The following RAD18 variants were observed in gnomAD, a reference collection of about 807,000 sequenced individuals.
RAD18 encodes the protein RAD18 E3 ubiquitin protein ligase, also known as E3 ubiquitin-protein ligase RAD18.
In RAD18, 47 loss-of-function variants were observed where a neutral mutation model predicts 60.4. The observed-to-expected ratio is 0.78, with a 90% CI of 0.62 to 0.99. RAD18 has a LOEUF of 0.99. RAD18 is among the 50% of genes least tolerant of loss of function. The pLI is 0.00. For missense variants in RAD18, 640 were observed against 593.3 expected, an observed-to-expected ratio of 1.08 and a Z score of -0.82; for synonymous variants, 225 against 195.5, an observed-to-expected ratio of 1.15 and a Z score of -1.26.
intron 11 of RAD18, among the ~76,000 whole-genome samples, chr3:8,895,526 CCTTA>C (rs1256798207): frequency 6.6e-6 from 1 of 152,170 alleles, no homozygotes; most frequent in African/African-American, 2.4e-5. Flanking sequence ...TATTTGTCTT[CCTTA>C]CTGTCTACAC....
At chr3:8,919,613 T>A (rs542472190) in intron 7 of RAD18, among the ~76,000 whole-genome samples, 2 of 152,382 alleles carry the variant, frequency 1.3e-5, no homozygotes, top group South Asian at 4.1e-4. Flanking sequence ...CGTGTGCGTA[T>A]GTATATATAT....
intron 1 of RAD18, 143 bp downstream of exon 1, chr3:8,963,192 A>T: frequency 1.2e-6 from 1 of 858,340 alleles, no homozygotes; most frequent in Non-Finnish European, 1.7e-6. Flanking sequence ...GCGGTCGGCT[A>T]GTGGCAGGGC....
Position 8,881,388 on chromosome 3 carries a change from A to G in RAD18, c.1457T>C (p.Ile486Thr), listed in dbSNP as rs2125043774. The change falls in exon 13 of 13, where the codon ATT (isoleucine) becomes ACT (threonine). Residue 486 changes from isoleucine to threonine, a missense_variant. Coordinates refer to ENST00000264926, the MANE Select transcript of RAD18 (RefSeq NM_020165.4). ...CCTATTACGCTTGTTTCTTGGTTCA[A>G]TCTCAGCACTTTCAGCGGCTCTTGT... Reference protein sequence around the residue: ...RRTRAAESAEIEPRNKRNRN With the variant: ...RRTRAAESAETEPRNKRNRN 1 of 1,612,018 alleles carries G rather than the reference A, an allele frequency of 6.2e-7. No individual in the cohort carries two copies. The highest frequency in any genetic ancestry group is 8.5e-7 in the Non-Finnish European group (1 of 1,178,086).
intron 1 of RAD18, 103 bp downstream of exon 1, chr3:8,963,232 C>A: frequency 7.7e-7 from 1 of 1,305,592 alleles, no homozygotes; most frequent in Non-Finnish European, 1.0e-6. Flanking sequence ...CAGTGCGACG[C>A]TCGCGCCTCA....
chr3:8,898,408 GTGTGTA>G (rs756021977), intron 11 of RAD18, among the ~76,000 whole-genome samples: 2 of 108,614 alleles, frequency 1.8e-5, no homozygotes, highest in Non-Finnish European at 4.4e-5. Context: ...GTGTGTGTGT[GTGTGTA>G]AAATAAACCC....
At chr3:8,928,757 T>C (rs558671) in intron 7 of RAD18, among the ~76,000 whole-genome samples, 105,127 of 152,072 alleles carry the variant, frequency 0.69, 36,883 homozygotes, top group Middle Eastern at 0.77. Context: ...TACTATCAAG[T>C]AAATTTACAT....
intron 7 of RAD18, 25 bp downstream of exon 7, chr3:8,935,846 A>T (rs1027859067): frequency 2.0e-6 from 3 of 1,510,922 alleles, no homozygotes; most frequent in Non-Finnish European, 2.7e-6. Flanking sequence ...GAAAGTAAGC[A>T]TAACTCACTG....
chr3:8,928,054 A>AC (rs1470357902), intron 7 of RAD18, among the ~76,000 whole-genome samples: 3 of 151,256 alleles, frequency 2.0e-5, no homozygotes, highest in African/African-American at 7.3e-5. Flanking sequence ...AAACTTAAAA[A>AC]AAAAAAAAAA....
At chr3:8,942,010 G>A (rs1940756036) in intron 4 of RAD18, among the ~76,000 whole-genome samples, 1 of 152,140 alleles carries the variant, frequency 6.6e-6, no homozygotes, top group Admixed American at 6.5e-5. Context: ...AAAACAAAAT[G>A]AAAGGAAATC....
chr3:8,950,619 A>G (rs1940912067), intron 2 of RAD18, among the ~76,000 whole-genome samples: 1 of 152,250 alleles, frequency 6.6e-6, no homozygotes, highest in East Asian at 1.9e-4. Context: ...TACCCAGGAC[A>G]TCATTTCCAG....
chr3:8,920,796 G>C (rs1940304956), intron 7 of RAD18, among the ~76,000 whole-genome samples: 1 of 152,134 alleles, frequency 6.6e-6, no homozygotes, highest in Non-Finnish European at 1.5e-5. Flanking sequence ...GACAAAGAAA[G>C]GCTGAGGAAT....
At chr3:8,933,113 T>TAAAA (rs1940588310) in intron 7 of RAD18, among the ~76,000 whole-genome samples, 1 of 150,084 alleles carries the variant, frequency 6.7e-6, no homozygotes, top group African/African-American at 2.5e-5. Flanking sequence ...AATAAATAAA[T>TAAAA]AAAATAAAAT....
chr3:8,945,321 T>C (rs1003905305), intron 4 of RAD18, among the ~76,000 whole-genome samples: 1 of 152,216 alleles, frequency 6.6e-6, no homozygotes, highest in African/African-American at 2.4e-5. Context: ...TCATAGAATG[T>C]TCCAACATGC....
At chr3:8,931,584 A>C (rs1433186278) in intron 7 of RAD18, 1 of 152,276 alleles carries the variant, frequency 6.6e-6, no homozygotes, top group East Asian at 1.9e-4. Context: ...TTCTACACTC[A>C]GTGTTCAGAA....
intron 9 of RAD18, among the ~76,000 whole-genome samples, chr3:8,907,901 A>T (rs1940040733): frequency 6.6e-6 from 1 of 152,186 alleles, no homozygotes; most frequent in South Asian, 2.1e-4. Context: ...CCCACCAGAG[A>T]GGAGCATCTG....
In RAD18 at chr3:8,941,637, G is replaced by A; in HGVS notation, c.434C>T (p.Thr145Ile). ...NFLIREMSGS[T>I]SELLIKENKS... ...ATTTTCTTTTATCAACAACTCTGAT[G>A]TAGAACCACTCATTTCTCTGATCAA... is the stretch of plus-strand genomic sequence containing the variant. The change falls in exon 5 of 13, where the codon ACA (threonine) becomes ATA (isoleucine). Residue 145 changes from threonine to isoleucine, a missense_variant. Transcript: ENST00000264926. The A allele has an allele frequency of 8.7e-6, 14 of 1,614,122 alleles. No individual in the cohort carries two copies. The highest frequency in any genetic ancestry group is 1.2e-5 in the Non-Finnish European group (14 of 1,180,010).
intron 7 of RAD18, among the ~76,000 whole-genome samples, chr3:8,920,338 G>GTT (rs1940295304): frequency 2.0e-5 from 3 of 151,346 alleles, no homozygotes; most frequent in African/African-American, 7.3e-5. Context: ...AAGGGCTCTT[G>GTT]TTTTCAGAAT....
rs147632107 is a variant in RAD18, at chr3:8,898,939, T to C, written c.1277A>G (p.Asp426Gly). Reference protein sequence around the residue: ...DREEDSSSCIDIQEVLSSSES... With the variant: ...DREEDSSSCIGIQEVLSSSES... ...TGATGAAGAAAGAACTTCTTGAATA[T>C]CAATACAGCTAGAAGAATCCTCTTC... is the stretch of plus-strand genomic sequence containing the variant. The change falls in exon 11 of 13, where the codon GAT (aspartate) becomes GGT (glycine). Residue 426 changes from aspartate (D) to glycine (G), a missense_variant. Asp to Gly is a moderately conservative substitution (Grantham distance 94, BLOSUM62 -1). Transcript: ENST00000264926. The C allele has an allele frequency of 1.9e-6, 3 of 1,605,646 alleles. No individual in the cohort carries two copies. The highest frequency in any genetic ancestry group is 1.7e-5 in the Admixed American group (1 of 59,244).
chr3:8,953,099 T>A (rs140761818), intron 2 of RAD18, among the ~76,000 whole-genome samples: 193 of 151,800 alleles, frequency 1.3e-3, no homozygotes, highest in African/African-American at 4.6e-3. Context: ...GGACTGACTA[T>A]ATCTATAAAC....
Sources: allele counts gnomAD v4.1 joint callset (sites outside exome capture counted in the v4.1 genomes callset), GRCh38; gene constraint gnomAD v4.1.1; transcripts MANE v1.5; gene names NCBI Gene and HGNC (gene_info 2026-07-23, HGNC 2026-07-21).